ADGRL3: variants seen among roughly 807,000 people sequenced by gnomAD.
ADGRL3 encodes adhesion G protein-coupled receptor L3.
Under a neutral mutation model 153.5 loss-of-function variants are expected in ADGRL3, and 62 were observed. The ratio of observed to expected loss-of-function variants is 0.40; its 90% CI spans 0.33 to 0.50. The LOEUF is 0.50. Ranked by LOEUF, ADGRL3 falls within the 20% of genes least tolerant of loss-of-function variation. ADGRL3 has a pLI of 0.47. For synonymous variants in ADGRL3, 710 were observed against 672.5 expected, an observed-to-expected ratio of 1.06 and a Z score of -0.86; for missense variants, 1,641 against 1,859.4, an observed-to-expected ratio of 0.88 and a Z score of 2.16.
chr4:61,240,170 A>G (rs541947619), intron 1 of ADGRL3, among the ~76,000 whole-genome samples: 24 of 152,230 alleles, frequency 1.6e-4, no homozygotes, highest in African/African-American at 4.1e-4. Context: ...GCATCCTTGC[A>G]TGGCAGAAGG....
At chr4:61,534,274 T>C (rs1040639493) in intron 4 of ADGRL3, among the ~76,000 whole-genome samples, 1 of 152,072 alleles carries the variant, frequency 6.6e-6, no homozygotes, top group Admixed American at 6.6e-5. Context: ...GGCTTTATTT[T>C]TCGTTCTATT....
intron 1 of ADGRL3, among the ~76,000 whole-genome samples, chr4:61,272,164 G>A (rs573536483): frequency 1.5e-3 from 230 of 152,036 alleles, no homozygotes; most frequent in African/African-American, 5.0e-3. Context: ...ACTTTATCAT[G>A]CAGATGATTT....
At chr4:61,986,002 T>C (rs144322819) in intron 19 of ADGRL3, among the ~76,000 whole-genome samples, 4 of 151,382 alleles carry the variant, frequency 2.6e-5, no homozygotes, top group African/African-American at 4.8e-5. Flanking sequence ...TTTTTTTTTT[T>C]AAATAACATC....
chr4:61,250,936 A>G (rs1024988122), intron 1 of ADGRL3, among the ~76,000 whole-genome samples: 3 of 152,246 alleles, frequency 2.0e-5, no homozygotes, highest in Non-Finnish European at 4.4e-5. Context: ...TATCTGGAGC[A>G]AGAGATCATT....
At chr4:61,380,787 C>T (rs998836633) in intron 1 of ADGRL3, among the ~76,000 whole-genome samples, 6 of 152,042 alleles carry the variant, frequency 3.9e-5, no homozygotes, top group African/African-American at 1.4e-4. Flanking sequence ...TGCTTTGCTC[C>T]TAAATAATCA....
intron 9 of ADGRL3, among the ~76,000 whole-genome samples, chr4:61,835,481 A>C (rs1007209159): frequency 6.6e-6 from 1 of 151,934 alleles, no homozygotes; most frequent in African/African-American, 2.4e-5. Context: ...TGTTTATCCA[A>C]TTTTAATTAA....
intron 2 of ADGRL3, among the ~76,000 whole-genome samples, chr4:61,448,534 T>C (rs917842535): frequency 2.0e-5 from 3 of 152,166 alleles, no homozygotes; most frequent in Non-Finnish European, 2.9e-5. Flanking sequence ...TATTGTGATG[T>C]TTAAATGGCA....
At chr4:62,052,269 G>T (rs1734621643) in intron 25 of ADGRL3, among the ~76,000 whole-genome samples, 1 of 151,436 alleles carries the variant, frequency 6.6e-6, no homozygotes, top group African/African-American at 2.4e-5. Flanking sequence ...TTAGAATATA[G>T]ATATAGTCAT....
chr4:61,862,769 C>T (rs138189240), intron 9 of ADGRL3, among the ~76,000 whole-genome samples: 1 of 152,144 alleles, frequency 6.6e-6, no homozygotes, highest in Non-Finnish European at 1.5e-5. Flanking sequence ...TGACCTAGGA[C>T]TCTTTTGAAA....
chr4:61,620,775 G>A (rs909317212), intron 5 of ADGRL3, among the ~76,000 whole-genome samples: 6 of 151,182 alleles, frequency 4.0e-5, no homozygotes, highest in Non-Finnish European at 7.4e-5. Context: ...CAAGTAGCTG[G>A]GACTACAGGC....
intron 1 of ADGRL3, among the ~76,000 whole-genome samples, chr4:61,231,978 C>G (rs1373032686): frequency 6.6e-6 from 1 of 151,622 alleles, no homozygotes; most frequent in African/African-American, 2.4e-5. Context: ...TGTGGGGAAG[C>G]ATTACTAGAT....
chr4:61,828,619 A>G (rs1382563147), intron 9 of ADGRL3, among the ~76,000 whole-genome samples: 2 of 152,166 alleles, frequency 1.3e-5, no homozygotes, highest in Non-Finnish European at 2.9e-5. Context: ...CCCAGCTGAA[A>G]TATTTTCTGA....
At chr4:62,055,742 T>C (rs1179295887) in intron 25 of ADGRL3, among the ~76,000 whole-genome samples, 1 of 151,756 alleles carries the variant, frequency 6.6e-6, no homozygotes. Flanking sequence ...CCGACAAAGT[T>C]GAACTAATCA....
intron 1 of ADGRL3, among the ~76,000 whole-genome samples, chr4:61,221,677 TATTTA>T (rs982433850): frequency 3.3e-4 from 50 of 152,280 alleles, no homozygotes; most frequent in African/African-American, 1.1e-3. Context: ...GTTGCTTTAC[TATTTA>T]ATTTATTTTT....
intron 1 of ADGRL3, among the ~76,000 whole-genome samples, chr4:61,343,352 T>C (rs2095843489): frequency 1.3e-5 from 2 of 152,326 alleles, no homozygotes; most frequent in African/African-American, 4.8e-5. Flanking sequence ...TTGATTTTCT[T>C]CTTTACCCAT....
chr4:61,889,685 C>A (rs2098558383), intron 9 of ADGRL3, among the ~76,000 whole-genome samples: 1 of 152,010 alleles, frequency 6.6e-6, no homozygotes, highest in Admixed American at 6.6e-5. Context: ...AAATCTAAAC[C>A]ACTTAAATAG....
At chr4:62,026,162 C>A (rs139025066) in intron 21 of ADGRL3, among the ~76,000 whole-genome samples, 1 of 151,938 alleles carries the variant, frequency 6.6e-6, no homozygotes, top group African/African-American at 2.4e-5. Flanking sequence ...ATCAAGCCAC[C>A]GTAAAAAAAT....
chr4:61,688,609 A>G (rs2151088758), intron 6 of ADGRL3, among the ~76,000 whole-genome samples: 1 of 152,164 alleles, frequency 6.6e-6, no homozygotes, highest in East Asian at 1.9e-4. Flanking sequence ...CATGCCACTC[A>G]TTTGTAATGT....
chr4:61,746,645 T>C (rs1051713984), intron 8 of ADGRL3, among the ~76,000 whole-genome samples: 24 of 152,204 alleles, frequency 1.6e-4, no homozygotes, highest in Non-Finnish European at 3.5e-4. Context: ...AATAAAGATG[T>C]TCTTTGAAAC....
Sources: gnomAD v4.1 joint callset for allele counts (sites outside exome capture counted in the v4.1 genomes callset) on GRCh38, gnomAD v4.1.1 for gene constraint, MANE v1.5 for transcripts, NCBI Gene and HGNC (gene_info 2026-07-23, HGNC 2026-07-21) for gene names.